PIK3C2A: variants seen among roughly 807,000 people sequenced by gnomAD.
PIK3C2A encodes phosphatidylinositol 4-phosphate 3-kinase C2 domain-containing subunit alpha.
PIK3C2A carries 97 observed loss-of-function variants against 204.5 expected under a neutral mutation model. That is an observed-to-expected ratio of 0.47 (90% CI 0.40 to 0.56). The LOEUF is 0.56. Among genes scored for constraint, PIK3C2A ranks in the 20% least tolerant of loss-of-function variants. The pLI, the probability that PIK3C2A is intolerant of heterozygous loss-of-function variation, is 0.00. For missense variants in PIK3C2A, 1,735 were observed against 1,969.2 expected, an observed-to-expected ratio of 0.88 and a Z score of 2.25; for synonymous variants, 653 against 664.4, an observed-to-expected ratio of 0.98 and a Z score of 0.26.
At chr11:17,110,189 G>A (rs537066739) in intron 22 of PIK3C2A, among the ~76,000 whole-genome samples, 14 of 152,206 alleles carry the variant, frequency 9.2e-5, no homozygotes, top group Admixed American at 2.0e-4. Flanking sequence ...CTGACCTCAT[G>A]TGATCCACCC....
chr11:17,129,510 T>G, intron 12 of PIK3C2A, 43 bp from the exon 13 acceptor site: 2 of 1,297,012 alleles, frequency 1.5e-6, no homozygotes, highest in Non-Finnish European at 2.2e-6. Flanking sequence ...TTAGATTGAA[T>G]GATTTTGAAA....
At chr11:17,118,233 G>A (rs1362777628) in intron 18 of PIK3C2A, among the ~76,000 whole-genome samples, 2 of 151,632 alleles carry the variant, frequency 1.3e-5, no homozygotes. Context: ...CACCATGTTC[G>A]GCTAATTTTT....
rs781743675 is a variant in PIK3C2A at position 17,091,615 on chromosome 11, C to T, written c.4684G>A (p.Ala1562Thr). 2 of 1,613,178 alleles carry T rather than the reference C, an allele frequency of 1.2e-6. No homozygotes were observed. Among genetic ancestry groups the T allele is most frequent in the South Asian group, 2.2e-5 (2 of 91,048 alleles). The change falls in exon 31 of 33, where the codon GCT (alanine) becomes ACT (threonine). Residue 1562 changes from alanine (A) to threonine (T), a missense_variant. Around this residue, in one of 6 missense-constraint regions of PIK3C2A, gnomAD observed 503 missense variants for 669.0 expected, o/e 0.75. Transcript: ENST00000691414. ...FSPTPGQIGGAVKLSISYRNG... is the reference protein window; with the variant it reads ...FSPTPGQIGGTVKLSISYRNG... Reference sequence around the variant, plus strand: ...CGGTAAGAGATGGATAATTTCACAGCTCCTCCTATTTGGCCTGGAGTAGGA... The same window carrying T: ...CGGTAAGAGATGGATAATTTCACAGTTCCTCCTATTTGGCCTGGAGTAGGA...
chr11:17,157,902 C>A (rs528993135), intron 2 of PIK3C2A, among the ~76,000 whole-genome samples: 53 of 152,306 alleles, frequency 3.5e-4, no homozygotes, highest in Admixed American at 3.2e-3. Flanking sequence ...ACAATCTAAT[C>A]CAATCTTATT....
intron 23 of PIK3C2A, among the ~76,000 whole-genome samples, chr11:17,103,226 T>G (rs1202663401): frequency 6.6e-6 from 1 of 151,770 alleles, no homozygotes; most frequent in Non-Finnish European, 1.5e-5. Flanking sequence ...TTTTTTCCTC[T>G]GCCTGCAGGG....
intron 2 of PIK3C2A, among the ~76,000 whole-genome samples, chr11:17,165,565 C>T (rs1366741761): frequency 2.0e-5 from 3 of 151,668 alleles, no homozygotes; most frequent in African/African-American, 4.8e-5. Flanking sequence ...CACCTGAGGT[C>T]GGGAGTTTGA....
intron 1 of PIK3C2A, among the ~76,000 whole-genome samples, chr11:17,189,812 C>CAAAAAAAAAA (rs759869051): frequency 1.7e-5 from 1 of 60,360 alleles, no homozygotes; most frequent in African/African-American, 4.7e-5. Context: ...GGCTCTGTCT[C>CAAAAAAAAAA]AAAAAAAAAA....
chr11:17,135,133 G>C lies in PIK3C2A; in HGVS notation c.1875C>G (p.Asp625Glu), dbSNP rs372554169. 5.3e-4 allele frequency: 852 copies of C among 1,614,004 alleles called. 13 individuals are homozygous for C. The South Asian group carries it at 8.8e-3, about 17-fold the overall frequency. The stretch of plus-strand genomic sequence containing the variant: ...TACCCCTAGTTGAACTCCTGCTAGT[G>C]TCTTCTCCTCCAAACAAAGAAGTCA... ...ADVTSLFGGE[D>E]TSRSSTRGSL... The change falls in exon 10 of 33, where the codon GAC (aspartate) becomes GAG (glutamate). Residue 625 changes from aspartate to glutamate, a missense_variant. Physicochemically the swap from Asp to Glu is conservative, Grantham distance 45. Transcript: ENST00000691414.
intron 22 of PIK3C2A, among the ~76,000 whole-genome samples, chr11:17,108,898 C>T (rs1848912095): frequency 6.6e-6 from 1 of 152,112 alleles, no homozygotes; most frequent in Admixed American, 6.5e-5. Context: ...GAATCTGAAG[C>T]CACACTACTG....
At chr11:17,095,530 G>T (rs994202867) in intron 27 of PIK3C2A, among the ~76,000 whole-genome samples, 3 of 151,572 alleles carry the variant, frequency 2.0e-5, no homozygotes, top group Non-Finnish European at 4.4e-5. Context: ...GGCAGAGCTT[G>T]CAGTGAGCTG....
At position 17,088,155 on chromosome 11, in the gene PIK3C2A, A is replaced by G. The variant is rs1335668345; in HGVS notation, c.*1583T>C. The G allele has an allele frequency of 7.0e-6, 1 of 143,624 alleles. No homozygotes were observed. The highest frequency in any genetic ancestry group is 2.4e-5 in the African/African-American group (1 of 41,258). 8.9% of individuals were successfully genotyped at this position (143,624 alleles called of 1,614,324 possible). On this transcript the variant is annotated 3_prime_UTR_variant, in exon 33 of 33. Transcript: ENST00000691414. ...CCATTTTTAAAGTATCTGTATTTCT[A>G]TTCTAACCATGAGTTCTTATTATAT...
In PIK3C2A at chr11:17,087,435, A is replaced by C. The variant is rs1848187724; in HGVS notation, c.*2303T>G. 2 of 152,226 alleles carry C rather than the reference A, an allele frequency of 1.3e-5. No homozygotes were observed. 9.4% of individuals were successfully genotyped at this position (152,226 alleles called of 1,614,324 possible). ...GGCACAAAATGAGTTAAATTAAGAGAAAACATTACCACTTGTTCTGAACTC... is the reference window on the plus strand; with the variant it reads ...GGCACAAAATGAGTTAAATTAAGAGCAAACATTACCACTTGTTCTGAACTC... On this transcript the variant is annotated 3_prime_UTR_variant, in exon 33 of 33. Coordinates refer to ENST00000691414, the MANE Select transcript of PIK3C2A (RefSeq NM_002645.4).
At chr11:17,176,123 C>T (rs1411708941) in intron 1 of PIK3C2A, among the ~76,000 whole-genome samples, 1 of 151,782 alleles carries the variant, frequency 6.6e-6, no homozygotes, top group Non-Finnish European at 1.5e-5. Context: ...CCTGCCTCAG[C>T]CTCCTGAGTA....
intron 1 of PIK3C2A, among the ~76,000 whole-genome samples, chr11:17,184,215 T>G (rs1269756852): frequency 8.2e-6 from 1 of 122,548 alleles, no homozygotes; most frequent in Non-Finnish European, 1.7e-5. Context: ...GTACACTCCT[T>G]CTACTTTAAA....
chr11:17,114,253 C>A, intron 20 of PIK3C2A, 108 bp downstream of exon 20: 2 of 601,362 alleles, frequency 3.3e-6, no homozygotes, highest in Non-Finnish European at 6.0e-6. Context: ...ATGCTTATAA[C>A]CAACCTGTGC....
At chr11:17,105,837 A>T (rs1056815954) in intron 22 of PIK3C2A, among the ~76,000 whole-genome samples, 1 of 152,160 alleles carries the variant, frequency 6.6e-6, no homozygotes, top group Admixed American at 6.6e-5. Context: ...GCCTGGGTGC[A>T]GTGACTCACG....
intron 8 of PIK3C2A, among the ~76,000 whole-genome samples, chr11:17,140,933 G>GT (rs776143587): frequency 6.6e-6 from 1 of 152,150 alleles, no homozygotes; most frequent in Non-Finnish European, 1.5e-5. Context: ...TTAAAAAAGT[G>GT]TAAGGGTGAG....
chr11:17,197,619 C>G (rs1004965725), intron 1 of PIK3C2A, among the ~76,000 whole-genome samples: 1 of 152,160 alleles, frequency 6.6e-6, no homozygotes, highest in African/African-American at 2.4e-5. Context: ...GATATAGTCA[C>G]AGCAAGAGAT....
intron 1 of PIK3C2A, chr11:17,194,052 G>A: frequency 2.6e-6 from 1 of 391,690 alleles, no homozygotes; most frequent in Non-Finnish European, 4.6e-6. Context: ...AGTCCACGTG[G>A]TGAGGCTATG....
Sources: allele counts gnomAD v4.1 joint callset (sites outside exome capture counted in the v4.1 genomes callset), GRCh38; gene constraint gnomAD v4.1.1; regional missense constraint gnomAD v4.1.1; transcripts MANE v1.5; gene names NCBI Gene and HGNC (gene_info 2026-07-23, HGNC 2026-07-21).